FANK1: variants seen among roughly 807,000 people sequenced by gnomAD.
The protein encoded by FANK1 is fibronectin type 3 and ankyrin repeat domains protein 1.
In FANK1, 44 loss-of-function variants were observed where a neutral mutation model predicts 45.3. The observed-to-expected ratio is 0.97, with a 90% CI of 0.76 to 1.25. The LOEUF (loss-of-function observed/expected upper bound fraction) is 1.25. FANK1 is among the 50% of genes most tolerant of loss of function. The pLI is 0.00. For synonymous variants in FANK1, 149 were observed against 152.5 expected (o/e 0.98, Z 0.17); for missense variants, 391 against 424.4 (o/e 0.92, Z 0.69).
chr10:125,927,009 A>G (rs1479238760), intron 1 of FANK1, among the ~76,000 whole-genome samples: 1 of 152,120 alleles, frequency 6.6e-6, no homozygotes, highest in East Asian at 1.9e-4. Context: ...GTTTCCTTCT[A>G]GTTGCTGCTC....
At chr10:125,994,711 C>T (rs537502261) in intron 3 of FANK1, 273 of 985,246 alleles carry the variant, frequency 2.8e-4, no homozygotes, top group Non-Finnish European at 3.2e-4. Flanking sequence ...TTCTACATAG[C>T]CCTTTATTCT....
chr10:125,998,852 A>G (rs1952539037), intron 6 of FANK1, among the ~76,000 whole-genome samples: 1 of 152,208 alleles, frequency 6.6e-6, no homozygotes, highest in Non-Finnish European at 1.5e-5. Context: ...ATTACCTCCA[A>G]TGTAGGCTCT....
chr10:125,917,893 G>A (rs1946574591), intron 1 of FANK1, among the ~76,000 whole-genome samples: 1 of 152,300 alleles, frequency 6.6e-6, no homozygotes, highest in Admixed American at 6.5e-5. Flanking sequence ...GACCAGGCTA[G>A]ACAACATAGT....
chr10:125,954,931 T>TA (rs1164022271), intron 1 of FANK1, among the ~76,000 whole-genome samples: 1 of 151,216 alleles, frequency 6.6e-6, no homozygotes, highest in Non-Finnish European at 1.5e-5. Context: ...AAAAATAAAT[T>TA]AAAAAAAGGG....
chr10:125,945,901 T>A (rs1564899186), intron 1 of FANK1, among the ~76,000 whole-genome samples: 1 of 152,162 alleles, frequency 6.6e-6, no homozygotes, highest in Non-Finnish European at 1.5e-5. Context: ...CAGCTGGAGA[T>A]CTGAGAACCG....
rs564801320 is a variant in FANK1 at position 125,924,713 on chromosome 10, G to A, written c.13+28058G>A. Among the ~76,000 whole-genome samples the A allele has an allele frequency of 1.3e-4, 20 of 151,388 alleles. No individual in the cohort carries two copies. In the South Asian group the frequency reaches 4.2e-3, roughly 32 times the overall value. On this transcript the variant is annotated intron_variant, in intron 1 of 10. Transcript: ENST00000368693. ...GGTCCCAGCTACTCAGGAGGCTGAG[G>A]TGGGAGGCTCACTTGAGCACAGGAG...
chr10:125,906,610 C>G (rs1945546319), intron 1 of FANK1, among the ~76,000 whole-genome samples: 1 of 151,146 alleles, frequency 6.6e-6, no homozygotes, highest in South Asian at 2.1e-4. Context: ...TTCCCCAGGC[C>G]AGTGCATTAG....
chr10:125,920,707 C>T (rs1016854772), intron 1 of FANK1, among the ~76,000 whole-genome samples: 8 of 152,260 alleles, frequency 5.3e-5, no homozygotes, highest in African/African-American at 1.7e-4. Flanking sequence ...GGCAGCACAT[C>T]GTTTGCAGCA....
chr10:125,898,434 G>A (rs985629745), intron 1 of FANK1, among the ~76,000 whole-genome samples: 16 of 152,206 alleles, frequency 1.1e-4, no homozygotes, highest in African/African-American at 3.9e-4. Flanking sequence ...TTCGGAGATT[G>A]GGGGAAGAGG....
intron 1 of FANK1, chr10:125,979,954 G>C (rs1364593105): frequency 1.1e-5 from 7 of 634,412 alleles, no homozygotes; most frequent in Non-Finnish European, 2.0e-5. Flanking sequence ...ATATATGCTT[G>C]TTGAAGACTG....
intron 1 of FANK1, among the ~76,000 whole-genome samples, chr10:125,899,817 C>T (rs943603992): frequency 6.6e-6 from 1 of 152,090 alleles, no homozygotes; most frequent in African/African-American, 2.4e-5. Context: ...CCTTTTGTTA[C>T]TGAGAGGTCT....
rs750932246 is a variant in FANK1 at position 126,004,956 on chromosome 10, G to A, written c.612G>A (p.Gln204=). 8.1e-6 allele frequency: 13 copies of A among 1,614,206 alleles called. No homozygotes were observed. Among genetic ancestry groups the A allele is most frequent in the Non-Finnish European group, 1.1e-5 (13 of 1,180,040 alleles). The change falls in exon 7 of 11, where the codon CAG becomes CAA. Residue 204 remains glutamine, a synonymous_variant. Coordinates refer to ENST00000368693, the MANE Select transcript of FANK1 (RefSeq NM_145235.5). ...TCCGAAGACATGGCGCTTCTTGGCA[G>A]GCTAGAGACCTGGGAGGCTGTACAG... The part of the protein sequence containing the change: ...KYLRRHGASW[Q]ARDLGGCTAL...
chr10:125,940,648 C>T (rs894158065), intron 1 of FANK1, among the ~76,000 whole-genome samples: 3 of 152,076 alleles, frequency 2.0e-5, no homozygotes, highest in Admixed American at 6.6e-5. Flanking sequence ...CTCCTCAGCA[C>T]GGATCATTTA....
rs1300563402 is a variant in FANK1, at chr10:125,980,244, A to G, written c.97A>G (p.Lys33Glu). 1 of 1,614,158 alleles carries G rather than the reference A, an allele frequency of 6.2e-7. No individual in the cohort carries two copies. The highest frequency in any genetic ancestry group is 1.7e-5 in the Admixed American group (1 of 60,024). The change falls in exon 2 of 11, where the codon AAG becomes GAG. Residue 33 changes from lysine (K) to glutamate (E), a missense_variant. By Grantham distance (56) the Lys-to-Glu change is moderately conservative. Transcript: ENST00000368693. ...HSIELYWDLE[K>E]KAKRQGPQEQ... ...CATTGAATTATACTGGGATCTGGAA[A>G]AGAAAGCCAAACGCCAAGGACCTCA... is the stretch of plus-strand genomic sequence containing the variant.
chr10:125,989,601 G>A (rs1951792965), intron 3 of FANK1, among the ~76,000 whole-genome samples: 1 of 152,216 alleles, frequency 6.6e-6, no homozygotes, highest in Admixed American at 6.5e-5. Flanking sequence ...CAGGATCTGA[G>A]TTTAGCAAAC....
At chr10:126,008,604 C>A in intron 8 of FANK1, 54 bp downstream of exon 8, 2 of 1,550,304 alleles carry the variant, frequency 1.3e-6, no homozygotes, top group Non-Finnish European at 1.7e-6. Flanking sequence ...AATGTCAGAG[C>A]TTTTTCTGTA....
At chr10:125,917,000 C>A (rs112253723) in intron 1 of FANK1, among the ~76,000 whole-genome samples, 257 of 145,994 alleles carry the variant, frequency 1.8e-3, no homozygotes, top group Non-Finnish European at 2.9e-3. Context: ...TTAGCTCCTA[C>A]CCCTTTTTGT....
chr10:126,004,188 T>C (rs972124428), intron 6 of FANK1: 2 of 150,986 alleles, frequency 1.3e-5, no homozygotes, highest in African/African-American at 2.4e-5. Flanking sequence ...AAAGAAAATA[T>C]TTAATTTTTA....
chr10:125,931,946 C>T (rs1244292295), intron 1 of FANK1, among the ~76,000 whole-genome samples: 1 of 152,140 alleles, frequency 6.6e-6, no homozygotes, highest in East Asian at 1.9e-4. Flanking sequence ...TAGCCCAGCA[C>T]CATTTGTTGA....
Sources: gnomAD v4.1 joint callset for allele counts (sites outside exome capture counted in the v4.1 genomes callset) on GRCh38, gnomAD v4.1.1 for gene constraint, MANE v1.5 for transcripts, NCBI Gene and HGNC (gene_info 2026-07-23, HGNC 2026-07-21) for gene names.